Variants in CCDC148 observed in about 807,000 individuals in gnomAD.
CCDC148 encodes coiled-coil domain-containing protein 148.
In CCDC148, 89 loss-of-function variants were observed where a neutral mutation model predicts 85.7. The ratio of observed to expected loss-of-function variants is 1.04; its 90% confidence interval spans 0.87 to 1.24. The LOEUF is 1.24. Among genes scored for constraint, CCDC148 ranks in the 50% most tolerant of loss-of-function variants. The pLI is 0.00. For synonymous variants in CCDC148, 230 were observed against 213.9 expected, an observed-to-expected ratio of 1.08 and a Z score of -0.66; for missense variants, 692 against 671.7, an observed-to-expected ratio of 1.03 and a Z score of -0.33.
At chr2:158,433,494 G>A (rs1390254906) in intron 1 of CCDC148, among the ~76,000 whole-genome samples, 3 of 151,912 alleles carry the variant, frequency 2.0e-5, no homozygotes, top group South Asian at 2.1e-4. Flanking sequence ...AGAAAGGGTA[G>A]GTCTGCAGAG....
At chr2:158,405,300 A>G (rs1259127931) in intron 1 of CCDC148, among the ~76,000 whole-genome samples, 3 of 152,184 alleles carry the variant, frequency 2.0e-5, no homozygotes, top group Non-Finnish European at 4.4e-5. Flanking sequence ...TTTTAAGAAA[A>G]TAAAAAGCCC....
chr2:158,188,311 C>T (rs544778798), intron 11 of CCDC148, among the ~76,000 whole-genome samples: 1 of 151,920 alleles, frequency 6.6e-6, no homozygotes, highest in Non-Finnish European at 1.5e-5. Flanking sequence ...TTCCTGGGGC[C>T]AAGAAAATCA....
At chr2:158,173,388 A>G (rs1684409229) in intron 13 of CCDC148, among the ~76,000 whole-genome samples, 1 of 152,050 alleles carries the variant, frequency 6.6e-6, no homozygotes, top group African/African-American at 2.4e-5. Flanking sequence ...CTAAGGAGCT[A>G]CTAGGGTATG....
chr2:158,285,495 T>C (rs1401296047), intron 9 of CCDC148, among the ~76,000 whole-genome samples: 1 of 151,582 alleles, frequency 6.6e-6, no homozygotes, highest in Non-Finnish European at 1.5e-5. Flanking sequence ...CATTCATACA[T>C]ACATATACTT....
At chr2:158,367,155 G>A (rs927230108) in intron 1 of CCDC148, among the ~76,000 whole-genome samples, 1 of 152,134 alleles carries the variant, frequency 6.6e-6, no homozygotes, top group Admixed American at 6.6e-5. Context: ...CAAGACCACA[G>A]GAGTGGCAGA....
chr2:158,365,981 A>G, intron 1 of CCDC148: 1 of 1,406,278 alleles, frequency 7.1e-7, no homozygotes, highest in Non-Finnish European at 9.7e-7. Flanking sequence ...TCCACTGTAA[A>G]TAATAAAACA....
At chr2:158,294,636 C>A (rs1369785674) in intron 9 of CCDC148, among the ~76,000 whole-genome samples, 1 of 151,988 alleles carries the variant, frequency 6.6e-6, no homozygotes, top group Non-Finnish European at 1.5e-5. Context: ...CCAACCGGGG[C>A]AACATGGTGA....
chr2:158,203,510 G>T (rs898328247), intron 11 of CCDC148, among the ~76,000 whole-genome samples: 3 of 151,878 alleles, frequency 2.0e-5, no homozygotes, highest in African/African-American at 7.3e-5. Flanking sequence ...CCTCCAAAAA[G>T]AACTCACAAA....
intron 9 of CCDC148, among the ~76,000 whole-genome samples, chr2:158,297,907 C>T (rs576574391): frequency 3.3e-5 from 5 of 152,304 alleles, no homozygotes; most frequent in African/African-American, 1.2e-4. Context: ...TCTCTTTATC[C>T]ATCTGAATTA....
intron 10 of CCDC148, among the ~76,000 whole-genome samples, chr2:158,222,633 C>A (rs893028899): frequency 6.6e-6 from 1 of 152,060 alleles, no homozygotes; most frequent in Non-Finnish European, 1.5e-5. Context: ...ATTCTGATAC[C>A]CCATGTGCCA....
chr2:158,314,930 C>T (rs368899476), intron 7 of CCDC148, among the ~76,000 whole-genome samples: 1 of 152,250 alleles, frequency 6.6e-6, no homozygotes, highest in South Asian at 2.1e-4. Context: ...TAAAACACCT[C>T]TTAAATCAGT....
intron 10 of CCDC148, among the ~76,000 whole-genome samples, chr2:158,237,505 C>A (rs115275099): frequency 6.6e-6 from 1 of 151,950 alleles, no homozygotes; most frequent in African/African-American, 2.4e-5. Context: ...AACAGGTAAG[C>A]GTATAAGGGC....
At chr2:158,274,614 G>A (rs1298182933) in intron 9 of CCDC148, among the ~76,000 whole-genome samples, 2 of 152,050 alleles carry the variant, frequency 1.3e-5, no homozygotes, top group East Asian at 3.8e-4. Context: ...TATTTCCTAT[G>A]GATTTCATTC....
At chr2:158,378,197 A>C (rs1684732860) in intron 1 of CCDC148, among the ~76,000 whole-genome samples, 1 of 152,142 alleles carries the variant, frequency 6.6e-6, no homozygotes, top group African/African-American at 2.4e-5. Context: ...AGAAAACAAA[A>C]CAGTCTTATT....
intron 9 of CCDC148, among the ~76,000 whole-genome samples, chr2:158,303,263 C>T (rs973860948): frequency 1.3e-5 from 2 of 152,122 alleles, no homozygotes; most frequent in Admixed American, 6.5e-5. Context: ...ATATTTTTCA[C>T]ACTCTGTGGG....
At chr2:158,343,234 TG>T (rs1454733797) in intron 3 of CCDC148, among the ~76,000 whole-genome samples, 3 of 152,058 alleles carry the variant, frequency 2.0e-5, no homozygotes, top group Admixed American at 6.6e-5. Flanking sequence ...GCATCTCAGG[TG>T]ATGTAAACAG....
intron 7 of CCDC148, among the ~76,000 whole-genome samples, chr2:158,326,786 C>G (rs925928447): frequency 5.9e-5 from 9 of 151,988 alleles, no homozygotes; most frequent in Non-Finnish European, 1.2e-4. Context: ...TTTCTCACAC[C>G]TACTCCCCCA....
chr2:158,383,179 T>C (rs1392853216), intron 1 of CCDC148, among the ~76,000 whole-genome samples: 1 of 151,904 alleles, frequency 6.6e-6, no homozygotes. Context: ...TAGCTGGGCA[T>C]GGTGACGTAT....
chr2:158,396,662 G>T (rs1685535326), intron 1 of CCDC148, among the ~76,000 whole-genome samples: 2 of 152,078 alleles, frequency 1.3e-5, no homozygotes, highest in Admixed American at 6.6e-5. Context: ...CTCTACAAGA[G>T]AAATAGTGAC....
Sources: allele counts gnomAD v4.1 joint callset (sites outside exome capture counted in the v4.1 genomes callset), GRCh38; gene constraint gnomAD v4.1.1; transcripts MANE v1.5; gene names NCBI Gene and HGNC (gene_info 2026-07-23, HGNC 2026-07-21).